The following GABRA1 variants were observed in gnomAD, a reference collection of about 807,000 sequenced individuals.
GABRA1 encodes gamma-aminobutyric acid receptor subunit alpha-1.
A neutral mutation model predicts 48.9 loss-of-function variants in GABRA1; 9 were observed. That is an observed-to-expected ratio of 0.18 (90% CI 0.11 to 0.32). The LOEUF (loss-of-function observed/expected upper bound fraction) is 0.32. Among genes scored for constraint, GABRA1 ranks in the 10% least tolerant of loss-of-function variants. The pLI is 1.00. For synonymous variants in GABRA1, 210 were observed against 198.7 expected (o/e 1.06, Z -0.48); for missense variants, 285 against 553.8 (o/e 0.51, Z 4.87).
At chr5:161,863,425 G>A (rs763829720) in intron 3 of GABRA1, among the ~76,000 whole-genome samples, 4 of 151,916 alleles carry the variant, frequency 2.6e-5, no homozygotes, top group African/African-American at 4.8e-5. Flanking sequence ...GGTGAAAGGG[G>A]AGCAGATGTA....
At chr5:161,883,329 C>G (rs1033104103) in intron 7 of GABRA1, among the ~76,000 whole-genome samples, 2 of 152,162 alleles carry the variant, frequency 1.3e-5, no homozygotes, top group Non-Finnish European at 2.9e-5. Flanking sequence ...AAGTAGGTAG[C>G]ATGCCATCCT....
intron 7 of GABRA1, among the ~76,000 whole-genome samples, chr5:161,889,988 C>T (rs1449116898): frequency 3.9e-5 from 6 of 151,992 alleles, no homozygotes; most frequent in African/African-American, 1.4e-4. Context: ...TAAGATGTGA[C>T]TACAGCCTAT....
chr5:161,895,591 C>A, intron 8 of GABRA1, 75 bp from the exon 9 acceptor site: 1 of 1,312,802 alleles, frequency 7.6e-7, no homozygotes, highest in Non-Finnish European at 1.1e-6. Context: ...TCCTTTTGTT[C>A]AAGTAGGCTG....
At chr5:161,871,580 T>C (rs1023949302) in intron 4 of GABRA1, among the ~76,000 whole-genome samples, 1 of 152,186 alleles carries the variant, frequency 6.6e-6, no homozygotes, top group South Asian at 2.1e-4. Flanking sequence ...GAAAATACTA[T>C]TCTATGCCCA....
Position 161,898,072 on chromosome 5 carries a change from T to A in GABRA1, c.*650T>A, listed in dbSNP as rs1399044164. ...GAACTTTCATACGTAAAGGTGCAGT[T>A]GCTCATTGTAGAGCACATTTAGTCC... On this transcript the variant is annotated 3_prime_UTR_variant, in exon 10 of 10. Coordinates refer to ENST00000393943, the MANE Select transcript of GABRA1 (RefSeq NM_001127644.2). The A allele has an allele frequency of 6.6e-6, 1 of 152,274 alleles. No homozygotes were observed. Among genetic ancestry groups the A allele is most frequent in the East Asian group, 1.9e-4 (1 of 5,196 alleles). The allele number at this position is 152,274 out of a possible 1,614,324, so 9.4% of individuals were successfully genotyped here. A position where few individuals can be genotyped will look rare whatever the true frequency, so the allele number is the denominator to read the frequency against.
intron 4 of GABRA1, among the ~76,000 whole-genome samples, chr5:161,871,183 T>A (rs1408168755): frequency 2.6e-5 from 4 of 152,174 alleles, no homozygotes; most frequent in Admixed American, 2.6e-4. Flanking sequence ...TGGTAATACA[T>A]CTAGTTTCAG....
chr5:161,882,611 T>A lies in GABRA1; in HGVS notation c.613T>A (p.Ser205Thr). ...VYEWTREPAR[S>T]VVVAEDGSRL... ...TGAATGGACCAGAGAGCCAGCACGC[T>A]CAGTGGTTGTAGCAGAAGATGGATC... The change falls in exon 7 of 10, where the codon TCA becomes ACA. Residue 205 changes from serine (S) to threonine (T), a missense_variant. Ser to Thr is a moderately conservative substitution (Grantham distance 58, BLOSUM62 1). Coordinates refer to ENST00000393943, the MANE Select transcript of GABRA1 (RefSeq NM_001127644.2). 6.2e-7 allele frequency: 1 copy of A among 1,613,624 alleles called. No homozygotes were observed. The highest frequency in any genetic ancestry group is 8.5e-7 in the Non-Finnish European group (1 of 1,179,730).
intron 3 of GABRA1, among the ~76,000 whole-genome samples, chr5:161,860,735 C>G (rs1273660791): frequency 6.6e-6 from 1 of 151,626 alleles, no homozygotes; most frequent in Non-Finnish European, 1.5e-5. Flanking sequence ...TGTATCAAAA[C>G]ATCTCATGTA....
chr5:161,853,630 T>C (rs547533965), intron 2 of GABRA1: 59 of 152,032 alleles, frequency 3.9e-4, no homozygotes, highest in African/African-American at 1.4e-3. Flanking sequence ...AAAATATAAT[T>C]GTCCTAAGAA....
At chr5:161,892,723 A>G (rs1581217077) in intron 8 of GABRA1, among the ~76,000 whole-genome samples, 1 of 152,216 alleles carries the variant, frequency 6.6e-6, no homozygotes, top group Non-Finnish European at 1.5e-5. Flanking sequence ...AACACAGGAC[A>G]GGCCGGGCAC....
chr5:161,894,674 A>T (rs1755278203), intron 8 of GABRA1, among the ~76,000 whole-genome samples: 1 of 151,736 alleles, frequency 6.6e-6, no homozygotes, highest in Non-Finnish European at 1.5e-5. Flanking sequence ...TAACATTTTT[A>T]TATGGTTTAA....
At chr5:161,857,187 A>G (rs1353183389) in intron 3 of GABRA1, among the ~76,000 whole-genome samples, 2 of 151,440 alleles carry the variant, frequency 1.3e-5, no homozygotes. Flanking sequence ...CTCTTGCAAC[A>G]TAAAGGTGCC....
At chr5:161,873,083 A>G (rs771406323) in intron 4 of GABRA1, 34 bp from the exon 5 acceptor site, 16 of 1,491,978 alleles carry the variant, frequency 1.1e-5, no homozygotes, top group South Asian at 1.1e-5. Context: ...AATACAGCAC[A>G]GTGAACTCTT....
intron 4 of GABRA1, among the ~76,000 whole-genome samples, chr5:161,872,849 T>G (rs1754181678): frequency 6.6e-6 from 1 of 152,188 alleles, no homozygotes; most frequent in Non-Finnish European, 1.5e-5. Context: ...GTTACTTTCC[T>G]TTTACATATC....
At chr5:161,861,128 T>C (rs1342631868) in intron 3 of GABRA1, among the ~76,000 whole-genome samples, 1 of 151,786 alleles carries the variant, frequency 6.6e-6, no homozygotes. Flanking sequence ...TTGTTAATAG[T>C]ATTATTCTCG....
chr5:161,891,832 C>G (rs926517640), intron 8 of GABRA1, among the ~76,000 whole-genome samples: 4 of 152,128 alleles, frequency 2.6e-5, no homozygotes, highest in African/African-American at 9.7e-5. Flanking sequence ...AATCACCACT[C>G]TCGTTATGAA....
rs569662373 is a variant in GABRA1, at chr5:161,873,052, C to G, written c.256-65C>G. 1.2e-5 allele frequency: 15 copies of G among 1,242,992 alleles called. No individual in the cohort carries two copies. In the Admixed American group the frequency reaches 1.8e-4, roughly 15 times the overall value. The allele number at this position is 1,242,992 out of a possible 1,614,324, so 77.0% of individuals were successfully genotyped here. A position where few individuals can be genotyped will look rare whatever the true frequency, so the allele number is the denominator to read the frequency against. On this transcript the variant is annotated intron_variant, in intron 4 of 9. Transcript: ENST00000393943. ...AGTTGCAAAAATTATGCACTGTCTG[C>G]GTTAGATATTTGCATTGCAAAATAC...
Position 161,891,059 on chromosome 5 carries a change from C to T in GABRA1, c.856+9C>T, listed in dbSNP as rs145405635. The T allele has an allele frequency of 6.2e-7, 1 of 1,613,036 alleles. No homozygotes were observed. The stretch of plus-strand genomic sequence containing the variant: ...AGCAAGAACTGTCTTTGGTAAGTCC[C>T]AATCAAGATACATACGCAAGGAAGG... On this transcript the variant is annotated intron_variant, in intron 8 of 9. Coordinates refer to ENST00000393943, the MANE Select transcript of GABRA1 (RefSeq NM_001127644.2).
At chr5:161,852,927 C>T (rs1168596132) in intron 2 of GABRA1, among the ~76,000 whole-genome samples, 2 of 151,848 alleles carry the variant, frequency 1.3e-5, no homozygotes, top group African/African-American at 2.4e-5. Context: ...TAAGTGAATT[C>T]TGGCTTCAAA....
Sources: allele counts gnomAD v4.1 joint callset (sites outside exome capture counted in the v4.1 genomes callset), GRCh38; gene constraint gnomAD v4.1.1; transcripts MANE v1.5; gene names NCBI Gene and HGNC (gene_info 2026-07-23, HGNC 2026-07-21).